PRKG1: variants seen among roughly 807,000 people sequenced by gnomAD.
PRKG1 encodes the protein protein kinase cGMP-dependent 1.
A neutral mutation model predicts 88.1 loss-of-function variants in PRKG1; 35 were observed. The observed-to-expected ratio is 0.40, with a 90% CI of 0.30 to 0.53. The LOEUF (loss-of-function observed/expected upper bound fraction) is 0.53. Ranked by LOEUF, PRKG1 falls within the 20% of genes least tolerant of loss-of-function variation. PRKG1 has a pLI of 0.59. For missense variants in PRKG1, 540 were observed against 839.8 expected, an observed-to-expected ratio of 0.64 and a Z score of 4.41; for synonymous variants, 303 against 292.5, an observed-to-expected ratio of 1.04 and a Z score of -0.37.
rs1298316792 is a variant in PRKG1 at position 51,543,500 on chromosome 10, G to A, written c.592+75664G>A. Among the ~76,000 whole-genome samples, 5 of 152,096 alleles carry A rather than the reference G, an allele frequency of 3.3e-5. No homozygotes were observed. In the East Asian group the frequency reaches 9.6e-4, roughly 29 times the overall value. On this transcript the variant is annotated intron_variant, in intron 3 of 17. Transcript: ENST00000373980. ...AACCCTATGAGTAGAGAGAGTAGTG[G>A]GGCTCAGTGTTTTTCCTCCACTACA...
At chr10:52,192,145 G>A (rs1003209228) in intron 9 of PRKG1, among the ~76,000 whole-genome samples, 4 of 152,028 alleles carry the variant, frequency 2.6e-5, no homozygotes, top group African/African-American at 9.7e-5. Flanking sequence ...TATTCAATAT[G>A]TTGAGTCAAT....
chr10:51,081,650 T>C lies in PRKG1; in HGVS notation c.311+6749T>C, dbSNP rs1453368416. On this transcript the variant is annotated intron_variant, in intron 1 of 17. Coordinates refer to ENST00000373980, the MANE Select transcript of PRKG1 (RefSeq NM_006258.4). ...TGCTTCTGAATGAAAGCATCAAGAA[T>C]TACACTGCTCATCATCATCAGATTG... is the stretch of plus-strand genomic sequence containing the variant. 2.0e-5 allele frequency among the ~76,000 whole-genome samples: 3 copies of C among 152,230 alleles called. No homozygotes were observed. In the East Asian group the frequency reaches 5.8e-4, roughly 29 times the overall value.
At chr10:51,483,653 C>T (rs1021228070) in intron 3 of PRKG1, among the ~76,000 whole-genome samples, 8 of 152,120 alleles carry the variant, frequency 5.3e-5, no homozygotes, top group Non-Finnish European at 7.3e-5. Context: ...GGAAATGAAG[C>T]GTTCAATGTG....
At chr10:51,356,224 G>A (rs1842363162) in intron 2 of PRKG1, among the ~76,000 whole-genome samples, 1 of 151,964 alleles carries the variant, frequency 6.6e-6, no homozygotes, top group Non-Finnish European at 1.5e-5. Context: ...TGAAAATACT[G>A]CCAGAGCAAG....
chr10:52,152,631 T>C (rs1203560995), intron 8 of PRKG1, among the ~76,000 whole-genome samples: 2 of 152,152 alleles, frequency 1.3e-5, no homozygotes, highest in Non-Finnish European at 2.9e-5. Context: ...TAGCATGGGA[T>C]AATTCAGAGA....
At chr10:52,276,656 G>C (rs1415741084) in intron 12 of PRKG1, among the ~76,000 whole-genome samples, 1 of 152,164 alleles carries the variant, frequency 6.6e-6, no homozygotes, top group African/African-American at 2.4e-5. Context: ...TGACACAGCT[G>C]TCAAGGCATA....
chr10:51,869,418 G>A (rs187514232), intron 4 of PRKG1, among the ~76,000 whole-genome samples: 1 of 151,728 alleles, frequency 6.6e-6, no homozygotes, highest in Admixed American at 6.6e-5. Context: ...GTTTTACTTT[G>A]TGACTGCTTT....
chr10:51,303,754 C>T (rs1204521258), intron 2 of PRKG1, among the ~76,000 whole-genome samples: 2 of 151,882 alleles, frequency 1.3e-5, no homozygotes, highest in East Asian at 3.9e-4. Context: ...ATTTAATTCT[C>T]TTTAAGATAT....
intron 9 of PRKG1, among the ~76,000 whole-genome samples, chr10:52,215,937 C>T (rs1490415423): frequency 6.6e-6 from 1 of 152,114 alleles, no homozygotes; most frequent in Non-Finnish European, 1.5e-5. Flanking sequence ...TACTTTTGTG[C>T]CCTCCAGTGG....
chr10:52,139,156 C>T (rs1392046641), intron 8 of PRKG1, among the ~76,000 whole-genome samples: 1 of 152,092 alleles, frequency 6.6e-6, no homozygotes, highest in Non-Finnish European at 1.5e-5. Flanking sequence ...CAAGGAATGT[C>T]TGATTCCTGT....
At chr10:51,657,738 A>G (rs1840197100) in intron 3 of PRKG1, among the ~76,000 whole-genome samples, 1 of 152,174 alleles carries the variant, frequency 6.6e-6, no homozygotes, top group Non-Finnish European at 1.5e-5. Flanking sequence ...AGAAATTTTT[A>G]GCCATGAGTT....
chr10:51,864,936 G>A (rs557079062), intron 4 of PRKG1, among the ~76,000 whole-genome samples: 3 of 152,110 alleles, frequency 2.0e-5, no homozygotes, highest in Non-Finnish European at 2.9e-5. Flanking sequence ...AGATTATGAA[G>A]CTGTAAATCA....
At chr10:51,206,766 A>C (rs1334929308) in intron 2 of PRKG1, among the ~76,000 whole-genome samples, 1 of 152,156 alleles carries the variant, frequency 6.6e-6, no homozygotes, top group African/African-American at 2.4e-5. Context: ...GCTTTTTCAG[A>C]AACTGAAACT....
At chr10:52,278,707 C>T (rs1240539477) in intron 12 of PRKG1, among the ~76,000 whole-genome samples, 2 of 151,996 alleles carry the variant, frequency 1.3e-5, no homozygotes, top group Non-Finnish European at 2.9e-5. Context: ...GCAGGTGGAT[C>T]ATGAGGTCAG....
intron 3 of PRKG1, among the ~76,000 whole-genome samples, chr10:51,569,150 G>A (rs1020871335): frequency 2.6e-5 from 4 of 152,000 alleles, no homozygotes; most frequent in African/African-American, 4.8e-5. Flanking sequence ...TATGTCAGGA[G>A]TAAACCAAAT....
At chr10:52,090,171 T>C (rs1847020368) in intron 7 of PRKG1, among the ~76,000 whole-genome samples, 1 of 151,990 alleles carries the variant, frequency 6.6e-6, no homozygotes, top group Non-Finnish European at 1.5e-5. Context: ...CTTGGAGAAA[T>C]GGCTAATTCT....
At chr10:52,227,489 T>G (rs1316198765) in intron 9 of PRKG1, among the ~76,000 whole-genome samples, 1 of 152,152 alleles carries the variant, frequency 6.6e-6, no homozygotes, top group Non-Finnish European at 1.5e-5. Context: ...TTACATTGTA[T>G]CTGTTATTAT....
chr10:51,597,914 T>C (rs1434072597), intron 3 of PRKG1, among the ~76,000 whole-genome samples: 1 of 152,170 alleles, frequency 6.6e-6, no homozygotes, highest in East Asian at 1.9e-4. Flanking sequence ...TGTACAATTA[T>C]TTAAATATAA....
chr10:52,176,378 C>G (rs1468146765), intron 9 of PRKG1, among the ~76,000 whole-genome samples: 3 of 151,422 alleles, frequency 2.0e-5, no homozygotes, highest in Non-Finnish European at 4.4e-5. Context: ...TTTTCTGTGT[C>G]TTTTATTATG....
Sources: gnomAD v4.1 joint callset for allele counts (sites outside exome capture counted in the v4.1 genomes callset) on GRCh38, gnomAD v4.1.1 for gene constraint, MANE v1.5 for transcripts, NCBI Gene and HGNC (gene_info 2026-07-23, HGNC 2026-07-21) for gene names.